DIS3L2: variants seen among roughly 807,000 people sequenced by gnomAD.
The protein encoded by DIS3L2 is DIS3-like exonuclease 2.
In DIS3L2, 34 loss-of-function variants were observed where a neutral mutation model predicts 97.5. The observed-to-expected ratio is 0.35, with a 90% confidence interval of 0.27 to 0.46. DIS3L2 has a LOEUF of 0.46. DIS3L2 is among the 20% of genes least tolerant of loss of function. DIS3L2 has a pLI of 1.00. For synonymous variants in DIS3L2, 435 were observed against 445.2 expected, an observed-to-expected ratio of 0.98 and a Z score of 0.29; for missense variants, 1,038 against 1,146.0, an observed-to-expected ratio of 0.91 and a Z score of 1.36.
chr2:232,241,160 C>T (rs1040885384), intron 11 of DIS3L2, among the ~76,000 whole-genome samples: 1 of 152,238 alleles, frequency 6.6e-6, no homozygotes, highest in Non-Finnish European at 1.5e-5. Context: ...ACCTTTCTTC[C>T]TACTCGGTTT....
intron 4 of DIS3L2, among the ~76,000 whole-genome samples, chr2:232,028,511 T>C (rs1382508184): frequency 6.6e-6 from 1 of 152,120 alleles, no homozygotes; most frequent in Non-Finnish European, 1.5e-5. Context: ...CCTGGGATTG[T>C]AAGGTGACAG....
chr2:232,291,480 A>G (rs1302289173), intron 13 of DIS3L2, among the ~76,000 whole-genome samples: 1 of 152,266 alleles, frequency 6.6e-6, no homozygotes, highest in East Asian at 1.9e-4. Flanking sequence ...TGTAAGACCC[A>G]GTGGACTATG....
At chr2:232,266,891 T>C (rs1693869011) in intron 13 of DIS3L2, among the ~76,000 whole-genome samples, 1 of 152,232 alleles carries the variant, frequency 6.6e-6, no homozygotes, top group Admixed American at 6.5e-5. Context: ...TTACACATCA[T>C]GCCCTTAGGT....
chr2:232,064,555 C>T (rs1483924483), intron 5 of DIS3L2, among the ~76,000 whole-genome samples: 1 of 152,092 alleles, frequency 6.6e-6, no homozygotes, highest in African/African-American at 2.4e-5. Context: ...TAAGTAGGTA[C>T]CTGGATGTGG....
chr2:232,197,458 A>C (rs966880826), intron 9 of DIS3L2, among the ~76,000 whole-genome samples: 5 of 152,126 alleles, frequency 3.3e-5, no homozygotes, highest in African/African-American at 1.2e-4. Context: ...TGACTTTCTC[A>C]GTCATACTAA....
At chr2:232,087,365 CATG>C in intron 5 of DIS3L2, 119 bp from the exon 6 acceptor site, 1 of 693,384 alleles carries the variant, frequency 1.4e-6, no homozygotes. Flanking sequence ...TTTTGAACTA[CATG>C]ATTAGTGTCC....
intron 9 of DIS3L2, among the ~76,000 whole-genome samples, chr2:232,190,309 G>A (rs1216361923): frequency 1.3e-5 from 2 of 152,126 alleles, no homozygotes; most frequent in South Asian, 4.1e-4. Context: ...ATTCCAGCCT[G>A]GGCAACAGAG....
chr2:232,334,406 G>T lies in DIS3L2; in HGVS notation c.2196G>T (p.Leu732=). 1 of 1,613,760 alleles carries T rather than the reference G, an allele frequency of 6.2e-7. No individual in the cohort carries two copies. Residue 732 remains leucine (L), a synonymous_variant, in exon 18 of 21, where the codon CTG becomes CTT. Coordinates refer to ENST00000325385, the MANE Select transcript of DIS3L2 (RefSeq NM_152383.5). ...RERLDMAPDT[L]QKQADHCNDR... is the part of the protein sequence containing the mutation. ...GACTAGACATGGCGCCCGATACCCT[G>T]CAGAAACAGGCGGACCACTGTAACG...
chr2:232,212,279 C>A (rs1206514297), intron 10 of DIS3L2, among the ~76,000 whole-genome samples: 1 of 152,218 alleles, frequency 6.6e-6, no homozygotes, highest in East Asian at 1.9e-4. Context: ...TGACCGTGGA[C>A]CTCATTCCTC....
chr2:232,252,905 A>G (rs1693456089), intron 12 of DIS3L2, among the ~76,000 whole-genome samples: 1 of 152,226 alleles, frequency 6.6e-6, no homozygotes, highest in African/African-American at 2.4e-5. Flanking sequence ...AGGATTGCAC[A>G]GCCTGGGCAA....
At chr2:231,988,925 C>G (rs562610064) in intron 1 of DIS3L2, among the ~76,000 whole-genome samples, 1 of 152,228 alleles carries the variant, frequency 6.6e-6, no homozygotes, top group East Asian at 1.9e-4. Context: ...AAATTACTTT[C>G]AATTCTTGTA....
chr2:232,198,587 G>C (rs1280898701), intron 9 of DIS3L2: 1 of 152,218 alleles, frequency 6.6e-6, no homozygotes, highest in East Asian at 1.9e-4. Context: ...CGGATAGAGA[G>C]ACTTTCTGGC....
chr2:232,101,220 G>GA (rs71910297), intron 6 of DIS3L2, among the ~76,000 whole-genome samples: 20,584 of 134,646 alleles, frequency 0.15, 1,794 homozygotes, highest in South Asian at 0.34. Context: ...GTGATAGAGT[G>GA]AAAAAAAAAA....
chr2:232,013,124 T>C (rs1421887703), intron 1 of DIS3L2, among the ~76,000 whole-genome samples: 1 of 152,200 alleles, frequency 6.6e-6, no homozygotes, highest in Non-Finnish European at 1.5e-5. Flanking sequence ...CTTTGTCCTG[T>C]GTAATACCAT....
chr2:232,333,221 G>A (rs1360739728), intron 16 of DIS3L2, among the ~76,000 whole-genome samples: 1 of 19,958 alleles, frequency 5.0e-5, no homozygotes, highest in Non-Finnish European at 7.9e-5. Flanking sequence ...CTCCTCCTCC[G>A]CTGTCGCCTC....
intron 16 of DIS3L2, among the ~76,000 whole-genome samples, chr2:232,332,791 C>A (rs546092719): frequency 1.3e-5 from 2 of 152,156 alleles, no homozygotes; most frequent in African/African-American, 4.8e-5. Flanking sequence ...GGAGTATTGG[C>A]GAGCACAGAG....
At chr2:232,290,826 AC>A (rs1213761355) in intron 13 of DIS3L2, among the ~76,000 whole-genome samples, 2 of 152,174 alleles carry the variant, frequency 1.3e-5, no homozygotes, top group Non-Finnish European at 2.9e-5. Flanking sequence ...AGACTTTCCA[AC>A]ACTAATGAAT....
intron 5 of DIS3L2, among the ~76,000 whole-genome samples, chr2:232,086,203 ATACGTATATATACACACGTATAGACG>A (rs1485131241): frequency 6.6e-6 from 1 of 151,950 alleles, no homozygotes; most frequent in African/African-American, 2.4e-5. Flanking sequence ...ATAGACGTGT[ATACGTATATATACACACGTATAGACG>A]TGTATACGTA....
chr2:232,295,263 A>G (rs904902905), intron 13 of DIS3L2, among the ~76,000 whole-genome samples: 1 of 151,906 alleles, frequency 6.6e-6, no homozygotes, highest in African/African-American at 2.4e-5. Flanking sequence ...AACCTTCATC[A>G]CTTTCCTCAA....
Sources: allele counts gnomAD v4.1 joint callset (sites outside exome capture counted in the v4.1 genomes callset), GRCh38; gene constraint gnomAD v4.1.1; transcripts MANE v1.5; gene names NCBI Gene and HGNC (gene_info 2026-07-23, HGNC 2026-07-21).